The following OSBPL10 variants were observed in gnomAD, a reference collection of about 807,000 sequenced individuals.
OSBPL10 encodes oxysterol binding protein like 10, also known as oxysterol-binding protein-related protein 10.
OSBPL10 carries 49 observed loss-of-function variants against 81.7 expected under a neutral mutation model. The observed-to-expected ratio is 0.60, with a 90% CI of 0.48 to 0.76. The LOEUF (loss-of-function observed/expected upper bound fraction) is 0.76, where lower values mean the gene tolerates loss of function less well. OSBPL10 is among the 30% of genes least tolerant of loss of function. OSBPL10 has a pLI of 0.00. For synonymous variants in OSBPL10, 419 were observed against 383.6 expected (o/e 1.09, Z -1.08); for missense variants, 923 against 987.8 (o/e 0.93, Z 0.88).
In OSBPL10 at chr3:32,042,693, G is replaced by A. The variant is rs1985137; in HGVS notation, n.298+3798C>T. Among the ~76,000 whole-genome samples, 1,115 of 152,246 alleles carry A rather than the reference G, an allele frequency of 7.3e-3. 22 individuals carry two copies. The East Asian group carries it at 0.088, about 12-fold the overall frequency. On this transcript the variant is annotated intron_variant and non_coding_transcript_variant, in intron 2 of 3. Coordinates refer to the OSBPL10 transcript ENST00000479173. ...GGTGACATCACATATCGGTAGGACC[G>A]TGATGCCCACCTGAGCCTTAAAGCC... is the stretch of plus-strand genomic sequence containing the variant.
chr3:31,906,845 G>C (rs6550083), intron 1 of OSBPL10: 150,784 of 152,372 alleles, frequency 0.99, 74,609 homozygotes, highest in East Asian at 1. Flanking sequence ...ACAGAAAACT[G>C]ACTGAAGTAA....
intron 2 of OSBPL10, among the ~76,000 whole-genome samples, chr3:32,035,746 G>A (rs1328832177): frequency 6.6e-6 from 1 of 152,000 alleles, no homozygotes; most frequent in Non-Finnish European, 1.5e-5. Flanking sequence ...GATTTAAAAA[G>A]CAAAAAATTA....
chr3:31,833,394 T>C (rs973401774), intron 3 of OSBPL10, among the ~76,000 whole-genome samples: 2 of 152,188 alleles, frequency 1.3e-5, no homozygotes, highest in African/African-American at 2.4e-5. Flanking sequence ...AATAATAATA[T>C]TGACCCTTAA....
intron 1 of OSBPL10, among the ~76,000 whole-genome samples, chr3:31,895,690 A>G (rs1028944314): frequency 6.6e-6 from 1 of 152,192 alleles, no homozygotes. Context: ...AAAACAGGGG[A>G]TTATAATGCT....
chr3:31,858,309 T>A (rs1483690868), intron 3 of OSBPL10, among the ~76,000 whole-genome samples: 1 of 152,084 alleles, frequency 6.6e-6, no homozygotes, highest in Non-Finnish European at 1.5e-5. Context: ...CCCCCTATGT[T>A]TTTTAACCTT....
At chr3:31,700,439 C>T (rs1214094175) in intron 7 of OSBPL10, 1 of 152,086 alleles carries the variant, frequency 6.6e-6, no homozygotes, top group Non-Finnish European at 1.5e-5. Flanking sequence ...ATTTCTCTTA[C>T]AATCTCTTTC....
At chr3:31,826,380 T>A (rs1007994093) in intron 4 of OSBPL10, among the ~76,000 whole-genome samples, 1 of 152,238 alleles carries the variant, frequency 6.6e-6, no homozygotes, top group Non-Finnish European at 1.5e-5. Flanking sequence ...AAATTCCCTA[T>A]ACTCATCTCT....
At chr3:32,067,182 G>A (rs1415162212) in intron 1 of OSBPL10, among the ~76,000 whole-genome samples, 3 of 151,802 alleles carry the variant, frequency 2.0e-5, no homozygotes, top group African/African-American at 7.3e-5. Context: ...CCAATTCAAT[G>A]ACTAAAAGAT....
At chr3:31,860,857 G>GT (rs68080421) in intron 3 of OSBPL10, among the ~76,000 whole-genome samples, 6,421 of 108,160 alleles carry the variant, frequency 0.059, 250 homozygotes, top group African/African-American at 0.12. Context: ...GTTTTTTGGG[G>GT]TTTTTTTTTT....
chr3:32,052,848 A>G (rs1427070261), intron 1 of OSBPL10, among the ~76,000 whole-genome samples: 2 of 152,150 alleles, frequency 1.3e-5, no homozygotes, highest in African/African-American at 4.8e-5. Context: ...AAATATCTAA[A>G]GCATGCGGGG....
At chr3:31,770,166 G>C (rs919603315) in intron 4 of OSBPL10, among the ~76,000 whole-genome samples, 1 of 152,154 alleles carries the variant, frequency 6.6e-6, no homozygotes, top group Non-Finnish European at 1.5e-5. Context: ...AAAAGGTGCA[G>C]GGAGCATTTT....
At chr3:31,777,069 A>G (rs1037470116) in intron 4 of OSBPL10, among the ~76,000 whole-genome samples, 2 of 152,248 alleles carry the variant, frequency 1.3e-5, no homozygotes, top group Non-Finnish European at 2.9e-5. Context: ...GTTGTTTACT[A>G]TAAAAGTCAT....
At chr3:32,013,744 A>G (rs1699283797) in intron 2 of OSBPL10, among the ~76,000 whole-genome samples, 1 of 152,244 alleles carries the variant, frequency 6.6e-6, no homozygotes, top group Non-Finnish European at 1.5e-5. Context: ...TAGATGCAAT[A>G]AAAAATGATA....
chr3:31,854,142 T>TG lies in OSBPL10; in HGVS notation c.537+22290_537+22291insC, dbSNP rs574518065. Among the ~76,000 whole-genome samples the TG allele has an allele frequency of 7.3e-4, 102 of 140,272 alleles. 4 individuals are homozygous for TG. The South Asian group carries it at 0.021, about 28-fold the overall frequency. The allele number at this position is 140,272 out of a possible 152,430, so 92.0% of individuals were successfully genotyped here. A position where few individuals can be genotyped will look rare whatever the true frequency, so the allele number is the denominator to read the frequency against. The stretch of plus-strand genomic sequence containing the variant: ...TATATACATTATATCTCAGTAAAGT[T>TG]TTTTTTTTTTTTTAAGGATAACTTT... On this transcript the variant is annotated intron_variant, in intron 3 of 11. Transcript: ENST00000396556.
chr3:31,826,123 C>T (rs1168868202), intron 4 of OSBPL10, among the ~76,000 whole-genome samples: 5 of 152,164 alleles, frequency 3.3e-5, no homozygotes, highest in Admixed American at 3.3e-4. Flanking sequence ...TAAATTGTTT[C>T]CTCAGGTATG....
chr3:31,824,067 C>A (rs1358382636), intron 4 of OSBPL10, among the ~76,000 whole-genome samples: 1 of 152,072 alleles, frequency 6.6e-6, no homozygotes, highest in Non-Finnish European at 1.5e-5. Context: ...CAATGATTGC[C>A]CAGGCTTGTC....
At position 31,939,143 on chromosome 3, in the gene OSBPL10, CCTTTTT is replaced by C. The variant is rs771660570; in HGVS notation, c.281+41750_281+41755del. 0.044 allele frequency among the ~76,000 whole-genome samples: 2,165 copies of C among 49,712 alleles called. 188 individuals carry two copies. In the East Asian group the frequency reaches 0.45, roughly 10 times the overall value. 32.6% of individuals were successfully genotyped at this position (49,712 alleles called of 152,430 possible). A position where few individuals can be genotyped will look rare whatever the true frequency, so the allele number is the denominator to read the frequency against. On this transcript the variant is annotated intron_variant, in intron 1 of 11. Transcript: ENST00000396556. The stretch of plus-strand genomic sequence containing the variant: ...GTTTAATGTGCCAAGACTCTCTCAT[CCTTTTT>C]TTTTTTTTTTTTTGAGACAGAGTTT...
intron 8 of OSBPL10, among the ~76,000 whole-genome samples, chr3:31,680,664 G>T (rs1010833724): frequency 6.6e-6 from 1 of 152,190 alleles, no homozygotes; most frequent in Non-Finnish European, 1.5e-5. Context: ...AGGATGGATG[G>T]AGATACTCGG....
intron 4 of OSBPL10, among the ~76,000 whole-genome samples, chr3:31,760,501 A>G (rs1698002342): frequency 6.6e-6 from 1 of 152,222 alleles, no homozygotes; most frequent in African/African-American, 2.4e-5. Flanking sequence ...CACCTAATAC[A>G]ACGTAAATTC....
Sources: gnomAD v4.1 joint callset for allele counts (sites outside exome capture counted in the v4.1 genomes callset) on GRCh38, gnomAD v4.1.1 for gene constraint, MANE v1.5 for transcripts, NCBI Gene and HGNC (gene_info 2026-07-23, HGNC 2026-07-21) for gene names.